TBC1D17: variants seen among roughly 807,000 people sequenced by gnomAD.
The protein encoded by TBC1D17 is TBC1 domain family member 17, also known as TBC1 domain family, member 17.
Under a neutral mutation model 78.8 loss-of-function variants are expected in TBC1D17, and 69 were observed. The ratio of observed to expected loss-of-function variants is 0.88; its 90% CI spans 0.72 to 1.07. The LOEUF is 1.07. Ranked by LOEUF, TBC1D17 falls within the 50% of genes least tolerant of loss-of-function variation. The pLI is 0.00. For synonymous variants in TBC1D17, 456 were observed against 358.3 expected (o/e 1.27, Z -3.08); for missense variants, 957 against 861.0 (o/e 1.11, Z -1.39).
rs762354107 is a variant in TBC1D17 at position 49,884,450 on chromosome 19, TC to T, written c.1244-3del. ...GGCTTGGCTGCAGCCTGACCCCATGTCCCCCCAGGCTACGTCCAGGGCATGA... is the reference window on the plus strand; with the variant it reads ...GGCTTGGCTGCAGCCTGACCCCATGTCCCCCAGGCTACGTCCAGGGCATGA... On this transcript the variant is annotated splice_region_variant and splice_polypyrimidine_tract_variant and intron_variant, in intron 11 of 16. Coordinates refer to ENST00000221543, the MANE Select transcript of TBC1D17 (RefSeq NM_024682.3). 2.1e-5 allele frequency: 34 copies of T among 1,613,882 alleles called. 2 individuals are homozygous for T. In the Middle Eastern group the frequency reaches 2.0e-3, roughly 94 times the overall value.
intron 1 of TBC1D17, 97 bp downstream of exon 1, chr19:49,877,841 C>T: frequency 7.0e-7 from 1 of 1,427,206 alleles, no homozygotes; most frequent in Non-Finnish European, 9.5e-7. Context: ...GAGAATCCGG[C>T]ACGGCCTTGG....
intron 13 of TBC1D17, chr19:49,886,722 C>G (rs2075061396): frequency 1.3e-5 from 2 of 152,388 alleles, no homozygotes; most frequent in African/African-American, 4.8e-5. Context: ...TTACTTTCCT[C>G]AAAGGTTAGA....
chr19:49,888,346 C>G, intron 16 of TBC1D17, 29 bp downstream of exon 16: 1 of 1,538,344 alleles, frequency 6.5e-7, no homozygotes, highest in Non-Finnish European at 8.8e-7. Flanking sequence ...CGCAGCGCCC[C>G]GCCCGAACCC....
In TBC1D17 at chr19:49,882,307, G is replaced by C. The variant is rs775697448; in HGVS notation, c.705G>C (p.Arg235=). ...TCTCCCGAGTGACCAACTTCTTCCG[G>C]GGTGCCCTGCAGCCACAGCCTGAGG... The part of the protein sequence containing the change: ...SSFSRVTNFF[R]GALQPQPEGA... Residue 235 remains arginine, a synonymous_variant, in exon 7 of 17, where the codon CGG becomes CGC. Transcript: ENST00000221543. 1 of 1,611,936 alleles carries C rather than the reference G, an allele frequency of 6.2e-7. No homozygotes were observed. Among genetic ancestry groups the C allele is most frequent in the Admixed American group, 1.7e-5 (1 of 60,022 alleles).
At position 49,888,453 on chromosome 19, in the gene TBC1D17, G is replaced by C. The variant is rs771488165; in HGVS notation, c.1776G>C (p.Leu592=). The C allele has an allele frequency of 1.3e-6, 2 of 1,598,790 alleles. No homozygotes were observed. The highest frequency in any genetic ancestry group is 3.4e-5 in the Admixed American group (2 of 59,430). ...TGCCCCACAACGTGCAGGAGATCCT[G>C]GGGCTGGCCCCGCCCGCAGAGCCCC... ...PELPHNVQEI[L]GLAPPAEPHS... The change falls in exon 17 of 17, where the codon CTG becomes CTC. Residue 592 remains leucine (L), a synonymous_variant. Transcript: ENST00000221543.
At position 49,877,941 on chromosome 19, in the gene TBC1D17, C is replaced by T. The variant is rs1007634796; in HGVS notation, c.21+197C>T. The T allele has an allele frequency of 2.5e-5, 18 of 730,120 alleles. No homozygotes were observed. In the African/African-American group the frequency reaches 3.1e-4, roughly 12 times the overall value. The allele number at this position is 730,120 out of a possible 1,614,324, so 45.2% of individuals were successfully genotyped here. A position where few individuals can be genotyped will look rare whatever the true frequency, so the allele number is the denominator to read the frequency against. On this transcript the variant is annotated intron_variant, in intron 1 of 16. Coordinates refer to ENST00000221543, the MANE Select transcript of TBC1D17 (RefSeq NM_024682.3). Reference sequence around the variant, plus strand: ...CATGGCCCCGCCCCCCCGGCTCAGGCGACTCCTTGAGCCCTGCCCCCTGTG... The same window carrying T: ...CATGGCCCCGCCCCCCCGGCTCAGGTGACTCCTTGAGCCCTGCCCCCTGTG...
chr19:49,881,722 G>A (rs73594151), intron 5 of TBC1D17, among the ~76,000 whole-genome samples: 1,904 of 152,226 alleles, frequency 0.013, 48 homozygotes, highest in African/African-American at 0.043. Context: ...CCCAGTATCC[G>A]TGGCTTAACA....
Position 49,878,173 on chromosome 19 carries a change from C to T in TBC1D17, c.52C>T (p.His18Tyr). The T allele has an allele frequency of 8.9e-6, 14 of 1,577,280 alleles. No homozygotes were observed. Among genetic ancestry groups the T allele is most frequent in the South Asian group, 1.2e-5 (1 of 86,048 alleles). Residue 18 changes from histidine to tyrosine, a missense_variant, in exon 2 of 17, where the codon CAC (histidine) becomes TAC (tyrosine). Transcript: ENST00000221543. ...VVFEKGGVYLHTSAKKYQDRD... is the reference protein window; with the variant it reads ...VVFEKGGVYLYTSAKKYQDRD... The stretch of plus-strand genomic sequence containing the variant: ...GTTTGAGAAGGGCGGAGTGTACCTG[C>T]ACACCAGCGCTAAGAAGTATCAGGA...
chr19:49,884,423 C>T (rs776560622), intron 11 of TBC1D17, 36 bp from the exon 12 acceptor site: 22 of 1,613,586 alleles, frequency 1.4e-5, no homozygotes, highest in Middle Eastern at 1.6e-4. Flanking sequence ...GGGAGCGCTG[C>T]GGGCTTGGCT....
At chr19:49,878,007 C>A (rs1452971803) in intron 1 of TBC1D17, 136 bp from the exon 2 acceptor site, 1 of 808,538 alleles carries the variant, frequency 1.2e-6, no homozygotes, top group Non-Finnish European at 1.9e-6. Flanking sequence ...GACCATTCTC[C>A]CCGCCTTGGT....
At chr19:49,884,165 G>A in intron 10 of TBC1D17, 88 bp from the exon 11 acceptor site, 1 of 1,199,338 alleles carries the variant, frequency 8.3e-7, no homozygotes, top group Non-Finnish European at 1.2e-6. Context: ...CTGCCAGCAG[G>A]AGGAGCAGTG....
chr19:49,881,961 C>T (rs1020318356), intron 5 of TBC1D17, 80 bp from the exon 6 acceptor site: 9 of 1,260,286 alleles, frequency 7.1e-6, no homozygotes, highest in African/African-American at 2.9e-5. Context: ...CAGCTGGAAC[C>T]GATGTCGGCC....
At chr19:49,882,947 A>G (rs959129453) in intron 8 of TBC1D17, 26 bp from the exon 9 acceptor site, 1 of 1,599,092 alleles carries the variant, frequency 6.3e-7, no homozygotes, top group Non-Finnish European at 8.5e-7. Context: ...GGCCCCACTG[A>G]GCTGCCTGCC....
Position 49,888,685 on chromosome 19 carries a change from G to A in TBC1D17, c.*61G>A. 7.1e-7 allele frequency: 1 copy of A among 1,407,162 alleles called. No individual in the cohort carries two copies. Among genetic ancestry groups the A allele is most frequent in the African/African-American group, 1.4e-5 (1 of 69,470 alleles). The allele number at this position is 1,407,162 out of a possible 1,614,324, so 87.2% of individuals were successfully genotyped here. A position where few individuals can be genotyped will look rare whatever the true frequency, so the allele number is the denominator to read the frequency against. On this transcript the variant is annotated 3_prime_UTR_variant, in exon 17 of 17. Transcript: ENST00000221543. ...AGCCCGAGCCAGGCACACCTGCGAG[G>A]GGGCAGGTGTGCTCCGCCGCCCTGC... is the stretch of plus-strand genomic sequence containing the variant.
intron 15 of TBC1D17, 179 bp downstream of exon 15, chr19:49,888,013 C>A: frequency 2.1e-6 from 2 of 940,140 alleles, no homozygotes; most frequent in Non-Finnish European, 3.2e-6. Context: ...CTGCTCCCAG[C>A]AAGGTCCTCC....
At chr19:49,883,581 G>T in intron 9 of TBC1D17, 70 bp from the exon 10 acceptor site, 1 of 1,426,246 alleles carries the variant, frequency 7.0e-7, no homozygotes, top group Non-Finnish European at 9.8e-7. Context: ...GGGAGGTGGC[G>T]CCAGGCTTGG....
chr19:49,883,550 G>A, intron 9 of TBC1D17, 101 bp from the exon 10 acceptor site: 2 of 938,582 alleles, frequency 2.1e-6, no homozygotes, highest in East Asian at 4.9e-5. Flanking sequence ...TGGTCAGGGA[G>A]GGGCTCTGCA....
rs757058578 is a variant in TBC1D17, at chr19:49,883,074, A to G, written c.1029A>G (p.Lys343=). Residue 343 remains lysine, a splice_region_variant and synonymous_variant, in exon 9 of 17, where the codon AAA becomes AAG. Transcript: ENST00000221543. The part of the protein sequence containing the change: ...AEEHKAHIRK[K]TDEYFRMKLQ... ...AGCACAAGGCCCACATACGCAAGAA[A>G]ACGTGAGTTCTCAGGAGGCCCTGCC... 1 of 1,605,292 alleles carries G rather than the reference A, an allele frequency of 6.2e-7. No homozygotes were observed. The highest frequency in any genetic ancestry group is 1.1e-5 in the South Asian group (1 of 90,718).
In TBC1D17 at chr19:49,882,764, G is replaced by T; in HGVS notation, c.799G>T (p.Val267Leu). ...PEPGFEVISC[V>L]ELGPRPTVER... ...AGGCTCATTTGCTCTTTGCCTGCAG[G>T]TGGAGCTGGGGCCTCGGCCAACCGT... The change falls in exon 8 of 17, where the codon GTG becomes TTG. Residue 267 changes from valine (V) to leucine (L), a missense_variant and splice_region_variant. Transcript: ENST00000221543. 2 of 1,559,890 alleles carry T rather than the reference G, an allele frequency of 1.3e-6. No homozygotes were observed. Among genetic ancestry groups the T allele is most frequent in the Non-Finnish European group, 1.7e-6 (2 of 1,153,052 alleles).
Sources: allele counts gnomAD v4.1 joint callset (sites outside exome capture counted in the v4.1 genomes callset), GRCh38; gene constraint gnomAD v4.1.1; transcripts MANE v1.5; gene names NCBI Gene and HGNC (gene_info 2026-07-23, HGNC 2026-07-21).